The following SELENOO variants were observed in gnomAD, a reference collection of about 807,000 sequenced individuals.
SELENOO encodes protein adenylyltransferase SelO, mitochondrial.
Under a neutral mutation model 58.7 loss-of-function variants are expected in SELENOO, and 74 were observed. That is an observed-to-expected ratio of 1.26 (90% CI 1.04 to 1.53). The LOEUF (loss-of-function observed/expected upper bound fraction) is 1.53. Among genes scored for constraint, SELENOO ranks in the 40% most tolerant of loss-of-function variants. The pLI is 0.00. For synonymous variants in SELENOO, 543 were observed against 453.2 expected, an observed-to-expected ratio of 1.20 and a Z score of -2.52; for missense variants, 1,149 against 970.0, an observed-to-expected ratio of 1.18 and a Z score of -2.45.
chr22:50,216,623 G>A (rs986157780), intron 6 of SELENOO, 68 bp from the exon 7 acceptor site: 43 of 1,410,856 alleles, frequency 3.0e-5, no homozygotes, highest in South Asian at 1.3e-4. Flanking sequence ...TGGGGCAGGC[G>A]GAGCAGCTGC....
chr22:50,202,122 C>G (rs1380739732), intron 1 of SELENOO, among the ~76,000 whole-genome samples: 3 of 152,248 alleles, frequency 2.0e-5, no homozygotes, highest in Non-Finnish European at 4.4e-5. Context: ...CGCCACCTGC[C>G]TCCTGTGTAT....
In SELENOO at chr22:50,211,212, T is replaced by C. The variant is rs76840692; in HGVS notation, c.1351+301T>C. Among the ~76,000 whole-genome samples, 124 of 152,344 alleles carry C rather than the reference T, an allele frequency of 8.1e-4. 1 individual carries two copies. In the East Asian group the frequency reaches 0.023, roughly 28 times the overall value. ...TTGAAGGCTGAGAAGCATCCCGTTG[T>C]GTGGACAGGCCGCAGTTTGCTTATC... On this transcript the variant is annotated intron_variant, in intron 5 of 8. Coordinates refer to ENST00000380903, the MANE Select transcript of SELENOO (RefSeq NM_031454.2).
chr22:50,213,136 C>G (rs139481867), intron 5 of SELENOO, among the ~76,000 whole-genome samples: 1 of 152,208 alleles, frequency 6.6e-6, no homozygotes, highest in African/African-American at 2.4e-5. Context: ...TCTTGGCTCA[C>G]TGCAACCTCC....
chr22:50,201,417 C>T lies in SELENOO; in HGVS notation c.381C>T (p.Asn127=). Residue 127 remains asparagine, a synonymous_variant, in exon 1 of 9, where the codon AAC becomes AAT. Transcript: ENST00000380903. ...AGGCCGCGCTGTTCTTCAGCGGCAA[C>T]GCGCTCCTGCCGGGCGCCGAGCCCG... ...EAEAALFFSG[N]ALLPGAEPAA... is the part of the protein sequence containing the mutation. 1 of 1,352,016 alleles carries T rather than the reference C, an allele frequency of 7.4e-7. No individual in the cohort carries two copies. Among genetic ancestry groups the T allele is most frequent in the Non-Finnish European group, 9.6e-7 (1 of 1,046,892 alleles). 83.8% of individuals were successfully genotyped at this position (1,352,016 alleles called of 1,614,324 possible). A position where few individuals can be genotyped will look rare whatever the true frequency, so the allele number is the denominator to read the frequency against.
At chr22:50,202,426 G>A (rs1354728556) in intron 1 of SELENOO, among the ~76,000 whole-genome samples, 2 of 151,994 alleles carry the variant, frequency 1.3e-5, no homozygotes, top group Non-Finnish European at 2.9e-5. Flanking sequence ...GTGTCTGAGG[G>A]CAACCTGGCT....
At chr22:50,210,934 C>T in intron 5 of SELENOO, 23 bp downstream of exon 5, 1 of 1,613,434 alleles carries the variant, frequency 6.2e-7, no homozygotes, top group Non-Finnish European at 8.5e-7. Flanking sequence ...GCCGTGCCCA[C>T]AGCAAGGCGC....
chr22:50,208,132 G>C (rs2064344105), intron 2 of SELENOO, among the ~76,000 whole-genome samples: 1 of 152,052 alleles, frequency 6.6e-6, no homozygotes, highest in Non-Finnish European at 1.5e-5. Flanking sequence ...AGGGCTGCAT[G>C]ATTTAGCAGC....
intron 4 of SELENOO, 110 bp downstream of exon 4, chr22:50,210,421 A>AGGGGGCT (rs773038727): frequency 5.0e-4 from 729 of 1,449,868 alleles, no homozygotes; most frequent in Non-Finnish European, 6.5e-4. Context: ...GGGGGAGCCG[A>AGGGGGCT]GGGGGCTGGG....
chr22:50,202,157 T>C (rs1003387085), intron 1 of SELENOO, among the ~76,000 whole-genome samples: 2 of 152,234 alleles, frequency 1.3e-5, no homozygotes, highest in African/African-American at 2.4e-5. Flanking sequence ...TCTGTTCTGC[T>C]CTTTTCTACT....
intron 5 of SELENOO, among the ~76,000 whole-genome samples, chr22:50,214,120 C>A (rs1036184015): frequency 6.6e-6 from 1 of 151,910 alleles, no homozygotes; most frequent in African/African-American, 2.4e-5. Flanking sequence ...CTCTTTTATC[C>A]ATATATAATG....
At chr22:50,215,631 GGGGT>G in intron 5 of SELENOO, 82 bp from the exon 6 acceptor site, 3 of 1,215,438 alleles carry the variant, frequency 2.5e-6, no homozygotes, top group South Asian at 1.5e-5. Flanking sequence ...CTGTGCCAGG[GGGGT>G]GGGGGGGGGG....
chr22:50,204,608 G>C (rs1005433523), intron 1 of SELENOO, among the ~76,000 whole-genome samples: 20 of 131,086 alleles, frequency 1.5e-4, no homozygotes, highest in African/African-American at 6.2e-4. Flanking sequence ...GTGACAGAGT[G>C]AGACCCTGTC....
Position 50,215,619 on chromosome 22 carries a change from AC to A in SELENOO, c.1352-96del, listed in dbSNP as rs2064400520. ...GAGCATGTGGGTGGGTCCATGCAGC[AC>A]CTGTGCCAGGGGGGTGGGGGGGGGG... On this transcript the variant is annotated intron_variant, in intron 5 of 8. Transcript: ENST00000380903. 3 of 998,310 alleles carry A rather than the reference AC, an allele frequency of 3.0e-6. No homozygotes were observed. The South Asian group carries it at 4.6e-5, about 15-fold the overall frequency. The allele number at this position is 998,310 out of a possible 1,614,324, so 61.8% of individuals were successfully genotyped here.
In SELENOO at chr22:50,210,977, C is replaced by T. The variant is rs574532533; in HGVS notation, c.1351+66C>T. On this transcript the variant is annotated intron_variant, in intron 5 of 8. Transcript: ENST00000380903. ...GCTGTTGTGCTTAGAGATGGTTTAC[C>T]TTCTGGCTTCCAGGTTCCAAGTGCA... The T allele has an allele frequency of 2.9e-5, 46 of 1,571,694 alleles. No individual in the cohort carries two copies. The East Asian group carries it at 1.0e-3, about 35-fold the overall frequency.
Position 50,201,385 on chromosome 22 carries a change from G to C in SELENOO, c.349G>C (p.Glu117Gln). ...GLGAPPAREA[E>Q]AEAALFFSGN... ...GGGCGCGCCGCCCGCGCGCGAGGCC[G>C]AGGCCGAGGCCGCGCTGTTCTTCAG... The change falls in exon 1 of 9, where the codon GAG becomes CAG. Residue 117 changes from glutamate to glutamine, a missense_variant. Physicochemically the swap from Glu to Gln is conservative, Grantham distance 29. Coordinates refer to ENST00000380903, the MANE Select transcript of SELENOO (RefSeq NM_031454.2). 8.0e-7 allele frequency: 1 copy of C among 1,255,186 alleles called. No individual in the cohort carries two copies. The highest frequency in any genetic ancestry group is 1.0e-6 in the Non-Finnish European group (1 of 999,026). The allele number at this position is 1,255,186 out of a possible 1,614,324, so 77.8% of individuals were successfully genotyped here. A position where few individuals can be genotyped will look rare whatever the true frequency, so the allele number is the denominator to read the frequency against.
chr22:50,215,794 C>T lies in SELENOO; in HGVS notation c.1429C>T (p.Leu477=), dbSNP rs1378036524. 1 of 1,612,820 alleles carries T rather than the reference C, an allele frequency of 6.2e-7. No homozygotes were observed. The highest frequency in any genetic ancestry group is 8.5e-7 in the Non-Finnish European group (1 of 1,179,420). The change falls in exon 6 of 9, where the codon CTG becomes TTG. Residue 477 remains leucine (L), a synonymous_variant. Coordinates refer to ENST00000380903, the MANE Select transcript of SELENOO (RefSeq NM_031454.2). ...AGAGTCGCCAGGCCTGGCGGAATTCCTGGCCAGGCTGATGGAGCAGTGTGC... is the reference window on the plus strand; with the variant it reads ...AGAGTCGCCAGGCCTGGCGGAATTCTTGGCCAGGCTGATGGAGCAGTGTGC... The part of the protein sequence containing the change: ...ELESPGLAEF[L]ARLMEQCASL...
chr22:50,205,360 A>G (rs949740348), intron 1 of SELENOO, among the ~76,000 whole-genome samples: 9 of 152,350 alleles, frequency 5.9e-5, no homozygotes, highest in East Asian at 3.9e-4. Context: ...CCAAGGTGAG[A>G]GGATCGCTTG....
chr22:50,201,543 G>A lies in SELENOO; in HGVS notation c.507G>A (p.Glu169=), dbSNP rs1279270437. 1.4e-6 allele frequency: 2 copies of A among 1,389,462 alleles called. No homozygotes were observed. The highest frequency in any genetic ancestry group is 1.9e-6 in the Non-Finnish European group (2 of 1,067,176). The allele number at this position is 1,389,462 out of a possible 1,614,324, so 86.1% of individuals were successfully genotyped here. ...GCGAGGTGTGCACGGCGACCGGCGAGCGCTGGGAGCTGCAGCTCAAGGGCG... is the reference window on the plus strand; with the variant it reads ...GCGAGGTGTGCACGGCGACCGGCGAACGCTGGGAGCTGCAGCTCAAGGGCG... ...YLGEVCTATG[E]RWELQLKGAG... The change falls in exon 1 of 9, where the codon GAG becomes GAA. Residue 169 remains glutamate, a synonymous_variant. Coordinates refer to ENST00000380903, the MANE Select transcript of SELENOO (RefSeq NM_031454.2).
intron 2 of SELENOO, among the ~76,000 whole-genome samples, chr22:50,207,864 A>G (rs1455592380): frequency 2.2e-5 from 3 of 139,524 alleles, no homozygotes; most frequent in African/African-American, 8.0e-5. Flanking sequence ...CCGAGGACGC[A>G]GTGGCAGGCA....
Sources: gnomAD v4.1 joint callset for allele counts (sites outside exome capture counted in the v4.1 genomes callset) on GRCh38, gnomAD v4.1.1 for gene constraint, MANE v1.5 for transcripts, NCBI Gene and HGNC (gene_info 2026-07-23, HGNC 2026-07-21) for gene names.